The following FRRS1L variants were observed in gnomAD, a reference collection of about 807,000 sequenced individuals.
The protein encoded by FRRS1L is ferric chelate reductase 1 like, also known as DOMON domain-containing protein FRRS1L.
Under a neutral mutation model 28.6 loss-of-function variants are expected in FRRS1L, and 22 were observed. That is an observed-to-expected ratio of 0.77 (90% CI 0.55 to 1.10). The LOEUF is 1.10. Ranked by LOEUF, FRRS1L falls within the 50% of genes least tolerant of loss-of-function variation. The pLI, the probability that FRRS1L is intolerant of heterozygous loss-of-function variation, is 0.00. For synonymous variants in FRRS1L, 158 were observed against 151.4 expected, an observed-to-expected ratio of 1.04 and a Z score of -0.32; for missense variants, 380 against 386.9, an observed-to-expected ratio of 0.98 and a Z score of 0.15.
At chr9:109,165,328 G>T (rs1286587973) in intron 1 of FRRS1L, among the ~76,000 whole-genome samples, 2 of 152,202 alleles carry the variant, frequency 1.3e-5, no homozygotes, top group Non-Finnish European at 2.9e-5. Flanking sequence ...TACTTGCCCT[G>T]AACTTCTCTT....
chr9:109,160,511 C>T (rs372404610), intron 1 of FRRS1L, among the ~76,000 whole-genome samples: 3 of 140,750 alleles, frequency 2.1e-5, no homozygotes, highest in African/African-American at 5.3e-5. Context: ...CTCAGCCTCT[C>T]GTGTAGCTGG....
At chr9:109,153,695 A>T (rs1016330041) in intron 1 of FRRS1L, among the ~76,000 whole-genome samples, 1 of 152,112 alleles carries the variant, frequency 6.6e-6, no homozygotes, top group Non-Finnish European at 1.5e-5. Context: ...TCTTATTGTG[A>T]ACTGTGCCCT....
chr9:109,140,095 G>A (rs10979701), intron 4 of FRRS1L: 8,192 of 152,236 alleles, frequency 0.054, 352 homozygotes, highest in Admixed American at 0.13. Flanking sequence ...GGCAAATGCT[G>A]CAGAGACTTG....
intron 1 of FRRS1L, among the ~76,000 whole-genome samples, chr9:109,163,620 T>A (rs9695545): frequency 0.016 from 2,361 of 152,214 alleles, 58 homozygotes; most frequent in African/African-American, 0.054. Context: ...GTAGGGTAGG[T>A]AATGGTCAGT....
intron 1 of FRRS1L, among the ~76,000 whole-genome samples, chr9:109,153,882 T>C (rs1239493592): frequency 3.9e-5 from 6 of 152,236 alleles, no homozygotes; most frequent in African/African-American, 1.4e-4. Context: ...ATTTAAGCTC[T>C]TGTCTCTCAG....
At chr9:109,143,029 AAG>A (rs1463616405) in intron 3 of FRRS1L, among the ~76,000 whole-genome samples, 1 of 152,106 alleles carries the variant, frequency 6.6e-6, no homozygotes, top group African/African-American at 2.4e-5. Flanking sequence ...AAAAAGTTAA[AAG>A]AGTTTGGTCG....
intron 1 of FRRS1L, among the ~76,000 whole-genome samples, chr9:109,161,312 T>C (rs1831477808): frequency 6.6e-6 from 1 of 152,358 alleles, no homozygotes; most frequent in East Asian, 1.9e-4. Context: ...ATGCTATTTT[T>C]TTCCCTCTAA....
Position 109,135,024 on chromosome 9 carries a change from T to A in FRRS1L, c.*2431A>T, listed in dbSNP as rs1831096442. On this transcript the variant is annotated 3_prime_UTR_variant, in exon 5 of 5. Transcript: ENST00000561981. ...CTTGATGTCATTTAATTTCTCCCCA[T>A]CTGCAATGAACAGAATTTCTCCTCC... 6.6e-6 allele frequency: 1 copy of A among 152,196 alleles called. No individual in the cohort carries two copies. The highest frequency in any genetic ancestry group is 1.5e-5 in the Non-Finnish European group (1 of 68,032). The allele number at this position is 152,196 out of a possible 1,614,324, so 9.4% of individuals were successfully genotyped here.
At chr9:109,160,920 G>A (rs1204320839) in intron 1 of FRRS1L, among the ~76,000 whole-genome samples, 1 of 151,502 alleles carries the variant, frequency 6.6e-6, no homozygotes, top group East Asian at 1.9e-4. Context: ...AGCCTCCCGA[G>A]TAGCTGGGAT....
chr9:109,152,827 A>G (rs1588101540), intron 1 of FRRS1L, among the ~76,000 whole-genome samples: 1 of 147,614 alleles, frequency 6.8e-6, no homozygotes, highest in South Asian at 2.1e-4. Context: ...AAAAAAAAAA[A>G]AAAAAAAAAA....
rs777520519 is a variant in FRRS1L, at chr9:109,137,606, A to C, written c.731T>G (p.Ile244Arg). Residue 244 changes from isoleucine (I) to arginine (R), a missense_variant, in exon 5 of 5, where the codon ATA becomes AGA. Transcript: ENST00000561981. ...AIQGSITRHD[I>R]DSPPASERVV... Reference sequence around the variant, plus strand: ...ACGCTCTGAAGCCGGCGGTGAGTCTATATCATGTCGAGTGATAGAGCCTTT... The same window carrying C: ...ACGCTCTGAAGCCGGCGGTGAGTCTCTATCATGTCGAGTGATAGAGCCTTT... The C allele has an allele frequency of 2.5e-6, 4 of 1,598,318 alleles. No individual in the cohort carries two copies. The highest frequency in any genetic ancestry group is 3.4e-6 in the Non-Finnish European group (4 of 1,171,046).
At chr9:109,145,961 C>T (rs73520969) in intron 3 of FRRS1L, among the ~76,000 whole-genome samples, 2,175 of 152,124 alleles carry the variant, frequency 0.014, 54 homozygotes, top group African/African-American at 0.05. Flanking sequence ...TCTGAGAGGT[C>T]GAGGTGGGTG....
In FRRS1L at chr9:109,130,846, A is replaced by G. The variant is rs1831049256; in HGVS notation, c.*6609T>C. On this transcript the variant is annotated 3_prime_UTR_variant, in exon 5 of 5. Transcript: ENST00000561981. ...TTCTAGTGACCTGGGTGAATGCTAC[A>G]CCCACTGCAGCACCCCATTACCTTA... 1 of 152,228 alleles carries G rather than the reference A, an allele frequency of 6.6e-6. No homozygotes were observed. The highest frequency in any genetic ancestry group is 2.1e-4 in the South Asian group (1 of 4,834). 9.4% of individuals were successfully genotyped at this position (152,228 alleles called of 1,614,324 possible). A position where few individuals can be genotyped will look rare whatever the true frequency, so the allele number is the denominator to read the frequency against.
rs1831306951 is a variant in FRRS1L at position 109,149,687 on chromosome 9, G to C, written c.272C>G (p.Pro91Arg). The change falls in exon 2 of 5, where the codon CCA (proline) becomes CGA (arginine). Residue 91 changes from proline (P) to arginine (R), a missense_variant. By Grantham distance (103) the Pro-to-Arg change is moderately radical. Coordinates refer to ENST00000561981, the MANE Select transcript of FRRS1L (RefSeq NM_014334.4). ...GTCGTCCACTTTGATTTTGGCAAAT[G>C]GATCCACAGGAGGAGCAGTAGGGAA... The part of the protein sequence containing the change: ...YPFPTAPPVD[P>R]FAKIKVDDCG... 1.9e-6 allele frequency: 3 copies of C among 1,613,662 alleles called. No homozygotes were observed. Among genetic ancestry groups the C allele is most frequent in the Non-Finnish European group, 2.5e-6 (3 of 1,179,574 alleles).
intron 1 of FRRS1L, 95 bp from the exon 2 acceptor site, chr9:109,149,815 A>G (rs1371710570): frequency 1.2e-6 from 1 of 825,458 alleles, no homozygotes; most frequent in African/African-American, 1.7e-5. Context: ...TCTCACACAT[A>G]TCGAGAAATG....
chr9:109,140,064 G>C lies in FRRS1L; in HGVS notation c.709+1279C>G, dbSNP rs953744129. On this transcript the variant is annotated intron_variant, in intron 4 of 4. Transcript: ENST00000561981. ...TTTAGCAGTCTCTAAAAGGTCTCATGATATCCTTGGGTCTTTGCTGGGCAA... is the reference window on the plus strand; with the variant it reads ...TTTAGCAGTCTCTAAAAGGTCTCATCATATCCTTGGGTCTTTGCTGGGCAA... 6 of 152,336 alleles carry C rather than the reference G, an allele frequency of 3.9e-5. No homozygotes were observed. The East Asian group carries it at 7.7e-4, about 20-fold the overall frequency. 9.4% of individuals were successfully genotyped at this position (152,336 alleles called of 1,614,324 possible). A position where few individuals can be genotyped will look rare whatever the true frequency, so the allele number is the denominator to read the frequency against.
intron 3 of FRRS1L, among the ~76,000 whole-genome samples, chr9:109,146,698 G>A (rs1053351633): frequency 2.0e-5 from 3 of 152,134 alleles, no homozygotes; most frequent in Non-Finnish European, 2.9e-5. Context: ...ATGGACAGGC[G>A]TCAAGTCCAG....
chr9:109,153,382 C>T lies in FRRS1L; in HGVS notation c.239-3662G>A, dbSNP rs142022741. On this transcript the variant is annotated intron_variant, in intron 1 of 4. Coordinates refer to ENST00000561981, the MANE Select transcript of FRRS1L (RefSeq NM_014334.4). ...ACCCCAATAAAAACTCTGGACACTG[C>T]GGCCCAGTGCAGCTTCCTGGTTGAA... Among the ~76,000 whole-genome samples, 130 of 152,208 alleles carry T rather than the reference C, an allele frequency of 8.5e-4. 1 individual carries two copies. Among genetic ancestry groups the T allele is most frequent in the Admixed American group, 1.6e-3 (24 of 15,284 alleles).
intron 3 of FRRS1L, among the ~76,000 whole-genome samples, chr9:109,142,052 C>A (rs1478431809): frequency 6.6e-6 from 1 of 150,692 alleles, no homozygotes. Context: ...GGCTATAAAC[C>A]CAAAATTTCC....
Sources: allele counts gnomAD v4.1 joint callset (sites outside exome capture counted in the v4.1 genomes callset), GRCh38; gene constraint gnomAD v4.1.1; transcripts MANE v1.5; gene names NCBI Gene and HGNC (gene_info 2026-07-23, HGNC 2026-07-21).